The following HIF3A variants were observed in gnomAD, a reference collection of about 807,000 sequenced individuals.
The protein encoded by HIF3A is hypoxia inducible factor 3 subunit alpha, also known as hypoxia-inducible factor 3-alpha.
Under a neutral mutation model 67.2 loss-of-function variants are expected in HIF3A, and 41 were observed. That is an observed-to-expected ratio of 0.61 (90% CI 0.48 to 0.79). The LOEUF (loss-of-function observed/expected upper bound fraction) is 0.79, where lower values mean the gene tolerates loss of function less well. Among genes scored for constraint, HIF3A ranks in the 30% least tolerant of loss-of-function variants. The pLI is 0.00. For missense variants in HIF3A, 855 were observed against 898.0 expected (o/e 0.95, Z 0.61); for synonymous variants, 356 against 374.8 (o/e 0.95, Z 0.58).
chr19:46,334,010 G>T (rs1001027410), intron 13 of HIF3A, among the ~76,000 whole-genome samples: 4 of 151,662 alleles, frequency 2.6e-5, no homozygotes, highest in African/African-American at 9.7e-5. Flanking sequence ...ATCCAGGATG[G>T]TCTCAATCTC....
rs570716853 is a variant in HIF3A at position 46,304,215 on chromosome 19, T to A, written c.217+127T>A. On this transcript the variant is annotated intron_variant, in intron 2 of 14. Coordinates refer to ENST00000377670, the MANE Select transcript of HIF3A (RefSeq NM_152795.4). ...AAGCCCCGCCCCCTGGTGTCGTTTT[T>A]TTCGGCGGAGCCCCACCCCCCTGGA... The A allele has an allele frequency of 1.3e-3, 1,089 of 809,004 alleles. 3 individuals carry two copies. Among genetic ancestry groups the A allele is most frequent in the African/African-American group, 9.0e-3 (521 of 57,842 alleles). The allele number at this position is 809,004 out of a possible 1,614,324, so 50.1% of individuals were successfully genotyped here. A position where few individuals can be genotyped will look rare whatever the true frequency, so the allele number is the denominator to read the frequency against.
rs2311054 is a variant in HIF3A at position 46,308,727 on chromosome 19, A to G, written c.513A>G (p.Thr171=). ...GCTTCTCCTTGCGCATGAAGAGTAC[A>G]CTCACCAGCCGCGGGCGCACCCTCA... The part of the protein sequence containing the change: ...ERCFSLRMKS[T]LTSRGRTLNL... The change falls in exon 5 of 15, where the codon ACA becomes ACG. Residue 171 remains threonine (T), a synonymous_variant. Coordinates refer to ENST00000377670, the MANE Select transcript of HIF3A (RefSeq NM_152795.4). The G allele has an allele frequency of 0.84, 1,347,316 of 1,608,942 alleles. 565,547 individuals carry two copies. The highest frequency in any genetic ancestry group is 0.86 in the Non-Finnish European group (1,008,652 of 1,177,964).
chr19:46,334,407 A>AT (rs1207582274), intron 13 of HIF3A, among the ~76,000 whole-genome samples: 1 of 151,758 alleles, frequency 6.6e-6, no homozygotes, highest in African/African-American at 2.4e-5. Context: ...CATTTTTTAA[A>AT]TTTTTTTGTA....
chr19:46,322,405 C>A (rs531400682), intron 10 of HIF3A, among the ~76,000 whole-genome samples: 2 of 152,190 alleles, frequency 1.3e-5, no homozygotes, highest in Admixed American at 1.3e-4. Context: ...CTTCAGACAC[C>A]AGTCACAAGT....
intron 14 of HIF3A, among the ~76,000 whole-genome samples, chr19:46,335,646 G>A (rs1003952260): frequency 6.6e-6 from 1 of 152,074 alleles, no homozygotes; most frequent in African/African-American, 2.4e-5. Flanking sequence ...TGAGGTGGGA[G>A]GGTCACTTGA....
At position 46,297,068 on chromosome 19, in the gene HIF3A, T is replaced by G. The variant is rs2147089535; in HGVS notation, c.-9T>G. 1.5e-6 allele frequency: 2 copies of G among 1,298,658 alleles called. No homozygotes were observed. Among genetic ancestry groups the G allele is most frequent in the Non-Finnish European group, 2.0e-6 (2 of 1,014,294 alleles). 80.4% of individuals were successfully genotyped at this position (1,298,658 alleles called of 1,614,324 possible). ...CCTCCGAGGGCTCCGGAGCGGCGACTGGCGAGCCATGGCGCTGGGGCTGCA... is the reference window on the plus strand; with the variant it reads ...CCTCCGAGGGCTCCGGAGCGGCGACGGGCGAGCCATGGCGCTGGGGCTGCA... On this transcript the variant is annotated 5_prime_UTR_variant, in exon 1 of 15. Coordinates refer to ENST00000377670, the MANE Select transcript of HIF3A (RefSeq NM_152795.4). This position sits in a 1 kb window ranked among gnomAD's most constrained non-coding sequence, Gnocchi z 4.5.
chr19:46,337,887 T>A (rs1327507308), intron 14 of HIF3A, among the ~76,000 whole-genome samples: 1 of 152,232 alleles, frequency 6.6e-6, no homozygotes, highest in African/African-American at 2.4e-5. Context: ...TGTCTTCTCC[T>A]TTGGGTATGA....
At chr19:46,317,917 C>A (rs897365677) in intron 8 of HIF3A, among the ~76,000 whole-genome samples, 1 of 152,056 alleles carries the variant, frequency 6.6e-6, no homozygotes, top group South Asian at 2.1e-4. Context: ...CAGCTCACTG[C>A]AATCTTAGCC....
chr19:46,304,000 C>A lies in HIF3A; in HGVS notation c.129C>A (p.Phe43Leu). The change falls in exon 2 of 15, where the codon TTC becomes TTA. Residue 43 changes from phenylalanine to leucine, a missense_variant. Coordinates refer to ENST00000377670, the MANE Select transcript of HIF3A (RefSeq NM_152795.4). ...ACCAGCTGGCTCACACGCTGCCCTTCGCCCGCGGCGTCAGCGCCCACCTGG... is the reference window on the plus strand; with the variant it reads ...ACCAGCTGGCTCACACGCTGCCCTTAGCCCGCGGCGTCAGCGCCCACCTGG... ...VLYQLAHTLPFARGVSAHLDK... is the reference protein window; with the variant it reads ...VLYQLAHTLPLARGVSAHLDK... The A allele has an allele frequency of 6.3e-7, 1 of 1,596,582 alleles. No individual in the cohort carries two copies. The highest frequency in any genetic ancestry group is 8.5e-7 in the Non-Finnish European group (1 of 1,172,326).
chr19:46,319,567 CA>C (rs1450116420), intron 8 of HIF3A, among the ~76,000 whole-genome samples: 3 of 152,132 alleles, frequency 2.0e-5, no homozygotes, highest in South Asian at 2.1e-4. Flanking sequence ...TGAATAGAAA[CA>C]GCATAAATAA....
rs147024241 is a variant in HIF3A, at chr19:46,308,678, A to C, written c.464A>C (p.Lys155Thr). The C allele has an allele frequency of 3.1e-5, 49 of 1,606,016 alleles. No homozygotes were observed. In the East Asian group the frequency reaches 1.1e-3, roughly 35 times the overall value. The change falls in exon 5 of 15, where the codon AAG (lysine) becomes ACG (threonine). Residue 155 changes from lysine to threonine, a missense_variant. Lys to Thr is a moderately conservative substitution (Grantham distance 78, BLOSUM62 -1). Transcript: ENST00000377670. Reference protein sequence around the residue: ...LTPQQTLSRRKVEAPTERCFS... With the variant: ...LTPQQTLSRRTVEAPTERCFS... ...GCCTCCCCAGCCCTGTCCAGGAGGA[A>C]GGTGGAGGCCCCCACGGAGCGGTGC... is the stretch of plus-strand genomic sequence containing the variant.
At chr19:46,337,090 G>A (rs1053296937) in intron 14 of HIF3A, among the ~76,000 whole-genome samples, 3 of 152,156 alleles carry the variant, frequency 2.0e-5, no homozygotes, top group African/African-American at 7.2e-5. Flanking sequence ...TTTGGAGTAG[G>A]GGGATTTCAG....
intron 8 of HIF3A, among the ~76,000 whole-genome samples, chr19:46,318,640 A>G (rs1970121939): frequency 1.4e-5 from 2 of 147,858 alleles, no homozygotes; most frequent in African/African-American, 5.0e-5. Context: ...ATTTATTTTG[A>G]GACAGAGCCT....
chr19:46,304,024 G>A lies in HIF3A; in HGVS notation c.153G>A (p.Leu51=). ...TCGCCCGCGGCGTCAGCGCCCACCT[G>A]GACAAGGCCTCTATCATGCGCCTCA... is the stretch of plus-strand genomic sequence containing the variant. The part of the protein sequence containing the change: ...LPFARGVSAH[L]DKASIMRLTI... Residue 51 remains leucine, a synonymous_variant, in exon 2 of 15, where the codon CTG becomes CTA. Transcript: ENST00000377670. 3.8e-6 allele frequency: 6 copies of A among 1,592,816 alleles called. No individual in the cohort carries two copies. Among genetic ancestry groups the A allele is most frequent in the African/African-American group, 2.7e-5 (2 of 74,642 alleles).
chr19:46,309,047 G>A, intron 5 of HIF3A, 104 bp from the exon 6 acceptor site: 1 of 960,098 alleles, frequency 1.0e-6, no homozygotes, highest in Admixed American at 2.7e-5. Flanking sequence ...TCATGGGGTT[G>A]GAATCTCAGC....
intron 11 of HIF3A, among the ~76,000 whole-genome samples, chr19:46,328,467 C>G (rs895213206): frequency 2.0e-5 from 3 of 152,164 alleles, no homozygotes; most frequent in Admixed American, 6.5e-5. Context: ...TTGCCTTTTA[C>G]TATAAGTAAC....
chr19:46,330,409 T>C (rs1373424159), intron 12 of HIF3A, among the ~76,000 whole-genome samples: 2 of 151,822 alleles, frequency 1.3e-5, no homozygotes, highest in East Asian at 1.9e-4. Context: ...GACAGAAGGA[T>C]TGATGGATGG....
intron 1 of HIF3A, chr19:46,298,244 G>A: frequency 6.0e-6 from 2 of 332,524 alleles, no homozygotes; most frequent in Non-Finnish European, 5.7e-6. Context: ...CTCTATTCCA[G>A]GCCCTGGCTC....
rs898938555 is a variant in HIF3A, at chr19:46,340,497, CTCTTCT to C, written c.*883_*888del. 3 of 155,214 alleles carry C rather than the reference CTCTTCT, an allele frequency of 1.9e-5. No individual in the cohort carries two copies. The highest frequency in any genetic ancestry group is 4.1e-4 in the South Asian group (2 of 4,906). The allele number at this position is 155,214 out of a possible 1,614,324, so 9.6% of individuals were successfully genotyped here. A position where few individuals can be genotyped will look rare whatever the true frequency, so the allele number is the denominator to read the frequency against. On this transcript the variant is annotated 3_prime_UTR_variant, in exon 15 of 15. Transcript: ENST00000377670. ...CTTCCTCTTCCTCCTGCTCCTCTTC[CTCTTCT>C]TCTTCTTTTTTTTTTTTGACAGAGT...
Sources: gnomAD v4.1 joint callset for allele counts (sites outside exome capture counted in the v4.1 genomes callset) on GRCh38, gnomAD v4.1.1 for gene constraint, Gnocchi (gnomAD v3.1) non-coding constraint, MANE v1.5 for transcripts, NCBI Gene and HGNC (gene_info 2026-07-23, HGNC 2026-07-21) for gene names.